Variants in GRID2 observed in about 807,000 individuals in gnomAD.
GRID2 encodes the protein glutamate ionotropic receptor delta type subunit 2, also known as glutamate receptor ionotropic, delta-2.
GRID2 carries 33 observed loss-of-function variants against 114.8 expected under a neutral mutation model. The observed-to-expected ratio is 0.29, with a 90% CI of 0.22 to 0.38. The LOEUF (loss-of-function observed/expected upper bound fraction) is 0.38. GRID2 is among the 10% of genes least tolerant of loss of function. GRID2 has a pLI of 1.00. For synonymous variants in GRID2, 505 were observed against 449.9 expected, an observed-to-expected ratio of 1.12 and a Z score of -1.55; for missense variants, 1,184 against 1,257.7, an observed-to-expected ratio of 0.94 and a Z score of 0.89.
At chr4:93,343,570 T>A (rs1759879216) in intron 8 of GRID2, among the ~76,000 whole-genome samples, 1 of 152,148 alleles carries the variant, frequency 6.6e-6, no homozygotes, top group Non-Finnish European at 1.5e-5. Flanking sequence ...TCTCTAAAAG[T>A]TAAATTAGTG....
At chr4:93,198,869 C>T (rs938813530) in intron 4 of GRID2, among the ~76,000 whole-genome samples, 1 of 151,980 alleles carries the variant, frequency 6.6e-6, no homozygotes, top group Non-Finnish European at 1.5e-5. Flanking sequence ...AGCAAGAAAG[C>T]CTTAGTTCAT....
chr4:93,617,500 G>A (rs981095204), intron 13 of GRID2, among the ~76,000 whole-genome samples: 11 of 152,122 alleles, frequency 7.2e-5, no homozygotes. Flanking sequence ...AGATTGTGCA[G>A]TAGTTTGTCT....
intron 1 of GRID2, among the ~76,000 whole-genome samples, chr4:92,486,096 G>T (rs1224732287): frequency 6.7e-6 from 1 of 150,332 alleles, no homozygotes; most frequent in Admixed American, 6.6e-5. Flanking sequence ...AACATAAAGT[G>T]GCCAATTCAA....
At chr4:93,318,463 C>T (rs574012696) in intron 8 of GRID2, among the ~76,000 whole-genome samples, 9 of 152,040 alleles carry the variant, frequency 5.9e-5, no homozygotes, top group Admixed American at 5.3e-4. Flanking sequence ...TTGCAAGCCA[C>T]AAGATAAAGA....
intron 8 of GRID2, among the ~76,000 whole-genome samples, chr4:93,265,388 T>C (rs1351333483): frequency 6.6e-6 from 1 of 152,200 alleles, no homozygotes; most frequent in Non-Finnish European, 1.5e-5. Flanking sequence ...GTTGTGGACA[T>C]TCTGAAGAGC....
intron 2 of GRID2, among the ~76,000 whole-genome samples, chr4:92,909,215 T>C (rs913303201): frequency 1.3e-5 from 2 of 151,968 alleles, no homozygotes; most frequent in African/African-American, 4.8e-5. Flanking sequence ...GTTGAATTAA[T>C]CTACACTATC....
chr4:93,714,757 G>A (rs1728767705), intron 14 of GRID2, among the ~76,000 whole-genome samples: 1 of 151,906 alleles, frequency 6.6e-6, no homozygotes, highest in African/African-American at 2.4e-5. Flanking sequence ...CATGTCCTTT[G>A]CCCACTTTTT....
chr4:92,985,383 C>A, intron 2 of GRID2, among the ~76,000 whole-genome samples: 1 of 151,934 alleles, frequency 6.6e-6, no homozygotes. Flanking sequence ...TACAGGCGCC[C>A]GCCACCATGC....
chr4:93,035,480 G>T (rs1724851422), intron 2 of GRID2, among the ~76,000 whole-genome samples: 1 of 152,024 alleles, frequency 6.6e-6, no homozygotes, highest in African/African-American at 2.4e-5. Context: ...ACATTTAGTA[G>T]GTTACTACAA....
chr4:93,398,632 G>A (rs1426965034), intron 9 of GRID2, among the ~76,000 whole-genome samples: 2 of 151,704 alleles, frequency 1.3e-5, no homozygotes, highest in African/African-American at 4.8e-5. Flanking sequence ...TTCACACAGT[G>A]TTAACACCTG....
At chr4:92,766,212 T>A (rs577826977) in intron 2 of GRID2, among the ~76,000 whole-genome samples, 29 of 152,318 alleles carry the variant, frequency 1.9e-4, no homozygotes, top group Non-Finnish European at 4.0e-4. Context: ...AGGATTCTTT[T>A]TGAAGACCTG....
At chr4:93,092,961 A>G (rs1000405500) in intron 3 of GRID2, among the ~76,000 whole-genome samples, 2 of 152,020 alleles carry the variant, frequency 1.3e-5, no homozygotes, top group African/African-American at 2.4e-5. Context: ...GTCCATTTTC[A>G]GTACTGCATA....
At chr4:92,584,827 G>A (rs568058929) in intron 1 of GRID2, among the ~76,000 whole-genome samples, 1 of 152,014 alleles carries the variant, frequency 6.6e-6, no homozygotes, top group African/African-American at 2.4e-5. Flanking sequence ...CTTGAAACAA[G>A]GACACCTAAC....
intron 2 of GRID2, among the ~76,000 whole-genome samples, chr4:93,024,776 C>T (rs1467884361): frequency 6.6e-6 from 1 of 151,678 alleles, no homozygotes; most frequent in East Asian, 1.9e-4. Context: ...TCCTAATGCT[C>T]AGCCTCCCAC....
chr4:93,370,489 A>G (rs377558093), intron 8 of GRID2, among the ~76,000 whole-genome samples: 5,876 of 147,002 alleles, frequency 0.04, 165 homozygotes, highest in Middle Eastern at 0.079. Flanking sequence ...ACACACACAC[A>G]CGCACACACA....
chr4:93,177,908 TTAAAG>T (rs1739497733), intron 4 of GRID2, among the ~76,000 whole-genome samples: 1 of 152,136 alleles, frequency 6.6e-6, no homozygotes, highest in South Asian at 2.1e-4. Flanking sequence ...TCATTTACCC[TTAAAG>T]TATTTACAAA....
chr4:92,657,336 T>C (rs954216434), intron 2 of GRID2, among the ~76,000 whole-genome samples: 3 of 151,730 alleles, frequency 2.0e-5, no homozygotes, highest in African/African-American at 7.2e-5. Flanking sequence ...TCTACACTTA[T>C]ATTTATTCTT....
chr4:92,920,491 G>A (rs932800213), intron 2 of GRID2, among the ~76,000 whole-genome samples: 18 of 152,260 alleles, frequency 1.2e-4, no homozygotes, highest in Non-Finnish European at 2.4e-4. Flanking sequence ...GGTACCAGTT[G>A]TCCCTTTCTA....
chr4:92,545,580 G>A (rs1418173320), intron 1 of GRID2, among the ~76,000 whole-genome samples: 2 of 152,128 alleles, frequency 1.3e-5, no homozygotes, highest in Non-Finnish European at 1.5e-5. Context: ...ATACTTTAAA[G>A]TTCAAAATGG....
Sources: gnomAD v4.1 joint callset for allele counts (sites outside exome capture counted in the v4.1 genomes callset) on GRCh38, gnomAD v4.1.1 for gene constraint, MANE v1.5 for transcripts, NCBI Gene and HGNC (gene_info 2026-07-23, HGNC 2026-07-21) for gene names.